The following MAGI2 variants were observed in gnomAD, a reference collection of about 807,000 sequenced individuals.
The protein encoded by MAGI2 is membrane-associated guanylate kinase, WW and PDZ domain-containing protein 2.
MAGI2 carries 35 observed loss-of-function variants against 133.3 expected under a neutral mutation model. The observed-to-expected ratio is 0.26, with a 90% CI of 0.20 to 0.35. The LOEUF (loss-of-function observed/expected upper bound fraction) is 0.35. Among genes scored for constraint, MAGI2 ranks in the 10% least tolerant of loss-of-function variants. The pLI is 1.00. For missense variants in MAGI2, 1,636 were observed against 1,863.4 expected, an observed-to-expected ratio of 0.88 and a Z score of 2.25; for synonymous variants, 729 against 710.6, an observed-to-expected ratio of 1.03 and a Z score of -0.41.
chr7:78,559,861 A>G (rs1033492289), intron 3 of MAGI2, among the ~76,000 whole-genome samples: 18 of 152,204 alleles, frequency 1.2e-4, no homozygotes, highest in Admixed American at 5.2e-4. Flanking sequence ...GTGTGTACAC[A>G]TATATTTGCC....
chr7:78,989,488 G>C (rs1199097792), intron 2 of MAGI2, among the ~76,000 whole-genome samples: 1 of 152,006 alleles, frequency 6.6e-6, no homozygotes, highest in African/African-American at 2.4e-5. Flanking sequence ...CCAGAGGCTT[G>C]ATTTTCAAAG....
At chr7:79,155,371 A>G (rs1161373073) in intron 1 of MAGI2, among the ~76,000 whole-genome samples, 1 of 152,194 alleles carries the variant, frequency 6.6e-6, no homozygotes, top group Non-Finnish European at 1.5e-5. Context: ...TGCTAGGCAC[A>G]TAAGACAAGG....
intron 2 of MAGI2, among the ~76,000 whole-genome samples, chr7:78,735,944 G>A (rs768023931): frequency 6.6e-6 from 1 of 152,144 alleles, no homozygotes. Flanking sequence ...GAGGAAATAG[G>A]TTCCTTATAA....
chr7:78,853,603 GC>G, intron 2 of MAGI2, among the ~76,000 whole-genome samples: 1 of 151,836 alleles, frequency 6.6e-6, no homozygotes, highest in Non-Finnish European at 1.5e-5. Flanking sequence ...CAATTCTCCT[GC>G]CTCGACCTCC....
At chr7:78,779,045 T>C (rs545626879) in intron 2 of MAGI2, among the ~76,000 whole-genome samples, 29 of 152,096 alleles carry the variant, frequency 1.9e-4, no homozygotes, top group African/African-American at 6.7e-4. Context: ...TAGTGGGGAC[T>C]GCAGGCACAT....
chr7:79,404,332 T>C (rs1845664672), intron 1 of MAGI2, among the ~76,000 whole-genome samples: 2 of 152,060 alleles, frequency 1.3e-5, no homozygotes. Context: ...CTCCTTCCCC[T>C]TCTCCTACTT....
At position 79,371,901 on chromosome 7, in the gene MAGI2, C is replaced by A. The variant is rs116467604; in HGVS notation, c.301+81119G>T. 2.3e-3 allele frequency among the ~76,000 whole-genome samples: 345 copies of A among 152,202 alleles called. 1 individual carries two copies. The highest frequency in any genetic ancestry group is 8.2e-3 in the African/African-American group (339 of 41,544). On this transcript the variant is annotated intron_variant, in intron 1 of 21. Transcript: ENST00000354212. ...AGCCAAGAATCCACTTTGTTACAAG[C>A]ACCCAGAGTATTCTGATGCAGGTAG... is the stretch of plus-strand genomic sequence containing the variant.
chr7:79,188,080 G>T (rs1311127392), intron 1 of MAGI2, among the ~76,000 whole-genome samples: 1 of 151,700 alleles, frequency 6.6e-6, no homozygotes, highest in African/African-American at 2.4e-5. Context: ...TTCAGTTTGG[G>T]AAAATTCTCT....
At chr7:78,713,360 T>A (rs1163371539) in intron 2 of MAGI2, among the ~76,000 whole-genome samples, 1 of 152,178 alleles carries the variant, frequency 6.6e-6, no homozygotes, top group African/African-American at 2.4e-5. Flanking sequence ...AGGCCCTGGT[T>A]ATAGTTTTGG....
chr7:78,941,084 CATA>C (rs976125294), intron 2 of MAGI2, among the ~76,000 whole-genome samples: 1 of 152,172 alleles, frequency 6.6e-6, no homozygotes, highest in African/African-American at 2.4e-5. Flanking sequence ...TTAGTTAAGA[CATA>C]AGATAATTCT....
intron 1 of MAGI2, chr7:79,353,367 C>T (rs1841815670): frequency 4.6e-6 from 2 of 437,868 alleles, no homozygotes; most frequent in Non-Finnish European, 9.2e-6. Flanking sequence ...TGGAGGAAGC[C>T]TTGCTGTCTC....
At chr7:78,863,264 A>G (rs1794293005) in intron 2 of MAGI2, among the ~76,000 whole-genome samples, 1 of 152,226 alleles carries the variant, frequency 6.6e-6, no homozygotes, top group Non-Finnish European at 1.5e-5. Flanking sequence ...TAGTGTTGCT[A>G]TAAAGGAATA....
intron 9 of MAGI2, among the ~76,000 whole-genome samples, chr7:78,279,080 T>C (rs2151005865): frequency 6.6e-6 from 1 of 152,302 alleles, no homozygotes; most frequent in East Asian, 1.9e-4. Flanking sequence ...ATATCAGAAC[T>C]GGTTTCACAC....
intron 1 of MAGI2, among the ~76,000 whole-genome samples, chr7:79,273,749 G>A (rs1025847276): frequency 2.0e-5 from 3 of 151,638 alleles, no homozygotes; most frequent in African/African-American, 7.3e-5. Flanking sequence ...CCAAATTTCT[G>A]TTCTCCCCAG....
At chr7:78,473,669 G>A (rs1791452715) in intron 6 of MAGI2, among the ~76,000 whole-genome samples, 1 of 80,064 alleles carries the variant, frequency 1.2e-5, no homozygotes, top group South Asian at 5.3e-4. Context: ...GCCCAATGAT[G>A]TATAATACAC....
chr7:78,253,528 C>CCAAT (rs1792647540), intron 10 of MAGI2: 1 of 151,402 alleles, frequency 6.6e-6, no homozygotes, highest in Admixed American at 6.6e-5. Flanking sequence ...GTATGTAAAA[C>CCAAT]ACCAAATAAC....
rs374855411 is a variant in MAGI2 at position 78,368,482 on chromosome 7, C to A, written c.1103+674G>T. On this transcript the variant is annotated intron_variant, in intron 7 of 21. Transcript: ENST00000354212. Reference sequence around the variant, plus strand: ...ACGATAGATAAGAATGAAAAACAATCGTCTGTTTGGAGAGAGTTCTAGAAA... The same window carrying A: ...ACGATAGATAAGAATGAAAAACAATAGTCTGTTTGGAGAGAGTTCTAGAAA... 1.6e-4 allele frequency among the ~76,000 whole-genome samples: 24 copies of A among 152,174 alleles called. 1 individual carries two copies. The East Asian group carries it at 2.1e-3, about 13-fold the overall frequency.
chr7:78,723,373 G>C (rs1461508653), intron 2 of MAGI2, among the ~76,000 whole-genome samples: 1 of 152,168 alleles, frequency 6.6e-6, no homozygotes, highest in African/African-American at 2.4e-5. Flanking sequence ...ACATTTGTAA[G>C]TGTGGGCAGA....
chr7:78,480,670 A>T (rs55928267), intron 6 of MAGI2, among the ~76,000 whole-genome samples: 2,371 of 152,000 alleles, frequency 0.016, 67 homozygotes, highest in African/African-American at 0.053. Context: ...TCTATGTAGA[A>T]ATTACAAGAA....
Sources: allele counts gnomAD v4.1 joint callset (sites outside exome capture counted in the v4.1 genomes callset), GRCh38; gene constraint gnomAD v4.1.1; transcripts MANE v1.5; gene names NCBI Gene and HGNC (gene_info 2026-07-23, HGNC 2026-07-21).